GRID2: variants seen among roughly 807,000 people sequenced by gnomAD.
GRID2 encodes glutamate ionotropic receptor delta type subunit 2, also known as glutamate receptor ionotropic, delta-2.
Under a neutral mutation model 114.8 loss-of-function variants are expected in GRID2, and 33 were observed. The observed-to-expected ratio is 0.29, with a 90% CI of 0.22 to 0.38. The LOEUF (loss-of-function observed/expected upper bound fraction) is 0.38. Ranked by LOEUF, GRID2 falls within the 10% of genes least tolerant of loss-of-function variation. GRID2 has a pLI of 1.00. For synonymous variants in GRID2, 505 were observed against 449.9 expected, an observed-to-expected ratio of 1.12 and a Z score of -1.55; for missense variants, 1,184 against 1,257.7, an observed-to-expected ratio of 0.94 and a Z score of 0.89.
intron 14 of GRID2, among the ~76,000 whole-genome samples, chr4:93,647,231 A>G (rs1301825540): frequency 2.0e-5 from 3 of 152,190 alleles, no homozygotes; most frequent in Non-Finnish European, 4.4e-5. Flanking sequence ...TAAAGTTCCT[A>G]AATTCTAGGA....
chr4:93,741,174 CATATAT>C (rs376106965), intron 14 of GRID2, among the ~76,000 whole-genome samples: 1 of 41,226 alleles, frequency 2.4e-5, no homozygotes. Context: ...TATATATATA[CATATAT>C]ATATATATAT....
chr4:93,368,076 C>T (rs1424904952), intron 8 of GRID2, among the ~76,000 whole-genome samples: 3 of 152,028 alleles, frequency 2.0e-5, no homozygotes, highest in Non-Finnish European at 4.4e-5. Flanking sequence ...GCTTAAAGAC[C>T]TTCAAACTAC....
intron 13 of GRID2, among the ~76,000 whole-genome samples, chr4:93,603,144 A>G (rs1052275726): frequency 2.6e-5 from 4 of 152,176 alleles, no homozygotes; most frequent in Non-Finnish European, 5.9e-5. Flanking sequence ...CAGGAGGCAG[A>G]GGTTGCAGTT....
intron 1 of GRID2, among the ~76,000 whole-genome samples, chr4:92,441,860 A>G (rs951047054): frequency 1.7e-3 from 244 of 146,550 alleles, no homozygotes; most frequent in South Asian, 1.9e-3. Context: ...TTGGATTGGG[A>G]AGAAGGGAGG....
intron 13 of GRID2, among the ~76,000 whole-genome samples, chr4:93,593,960 AT>A (rs897724099): frequency 3.3e-5 from 5 of 151,052 alleles, no homozygotes; most frequent in African/African-American, 7.3e-5. Context: ...ATTCTTCTAA[AT>A]TTTTTTCAAA....
At chr4:93,566,628 G>A (rs1042712750) in intron 13 of GRID2, among the ~76,000 whole-genome samples, 2 of 151,922 alleles carry the variant, frequency 1.3e-5, no homozygotes, top group Non-Finnish European at 2.9e-5. Flanking sequence ...AAATTAGCCG[G>A]GCATAGTGGT....
At chr4:93,162,971 C>T (rs909872576) in intron 4 of GRID2, among the ~76,000 whole-genome samples, 3 of 151,934 alleles carry the variant, frequency 2.0e-5, no homozygotes, top group East Asian at 1.9e-4. Context: ...TTTTCTAGAG[C>T]ATAATAGTTT....
chr4:93,016,932 A>C (rs1056396868), intron 2 of GRID2, among the ~76,000 whole-genome samples: 11 of 152,310 alleles, frequency 7.2e-5, no homozygotes, highest in Admixed American at 1.3e-4. Flanking sequence ...TGCTTAAAAA[A>C]ATTCTCTTCT....
intron 2 of GRID2, among the ~76,000 whole-genome samples, chr4:92,959,507 A>G (rs1752648343): frequency 1.3e-5 from 2 of 152,048 alleles, no homozygotes; most frequent in Admixed American, 6.6e-5. Context: ...ACTGTTGGGT[A>G]TAAACCCAAA....
chr4:92,943,759 T>C (rs1751371436), intron 2 of GRID2, among the ~76,000 whole-genome samples: 1 of 152,114 alleles, frequency 6.6e-6, no homozygotes, highest in Non-Finnish European at 1.5e-5. Context: ...GGGGTTTTGG[T>C]GTGGATGTCA....
chr4:92,542,763 C>T (rs376675686), intron 1 of GRID2, among the ~76,000 whole-genome samples: 15 of 150,972 alleles, frequency 9.9e-5, no homozygotes, highest in African/African-American at 3.4e-4. Context: ...AACCTATTCC[C>T]CAAAAACTAT....
chr4:92,423,239 T>C (rs1211027581), intron 1 of GRID2, among the ~76,000 whole-genome samples: 1 of 152,150 alleles, frequency 6.6e-6, no homozygotes. Flanking sequence ...TAATAGACCA[T>C]TGTTAAAAAA....
intron 8 of GRID2, among the ~76,000 whole-genome samples, chr4:93,287,374 A>G (rs1251043451): frequency 6.6e-6 from 1 of 152,190 alleles, no homozygotes; most frequent in East Asian, 1.9e-4. Context: ...TGGGAGCCTC[A>G]CTTTAGGCAG....
intron 1 of GRID2, among the ~76,000 whole-genome samples, chr4:92,454,064 A>G (rs138535918): frequency 0.013 from 2,011 of 152,334 alleles, 17 homozygotes; most frequent in Non-Finnish European, 0.021. Flanking sequence ...GTACTATGTC[A>G]TAATAGTACA....
intron 3 of GRID2, among the ~76,000 whole-genome samples, chr4:93,095,315 C>G (rs560832106): frequency 1.3e-5 from 2 of 151,782 alleles, no homozygotes; most frequent in Admixed American, 6.6e-5. Context: ...ATGATGTTCC[C>G]CTCCTTGTGT....
intron 13 of GRID2, among the ~76,000 whole-genome samples, chr4:93,516,033 G>A (rs571139514): frequency 6.6e-6 from 1 of 152,112 alleles, no homozygotes; most frequent in South Asian, 2.1e-4. Flanking sequence ...ACATATATAC[G>A]GAAGCAATTC....
intron 1 of GRID2, among the ~76,000 whole-genome samples, chr4:92,454,036 T>C (rs1721081967): frequency 6.6e-6 from 1 of 152,190 alleles, no homozygotes. Flanking sequence ...AAAATGCCTC[T>C]TAGTGTTTAA....
chr4:93,291,767 G>GTTTTCTT (rs199775270), intron 8 of GRID2, among the ~76,000 whole-genome samples: 1 of 151,778 alleles, frequency 6.6e-6, no homozygotes, highest in Non-Finnish European at 1.5e-5. Context: ...GTGTGCACGT[G>GTTTTCTT]TTTTCTTTTT....
At chr4:93,356,196 T>C (rs1192028069) in intron 8 of GRID2, among the ~76,000 whole-genome samples, 1 of 152,126 alleles carries the variant, frequency 6.6e-6, no homozygotes, top group Non-Finnish European at 1.5e-5. Context: ...TAAGACACTG[T>C]GCTACTTCTT....
Sources: gnomAD v4.1 joint callset for allele counts (sites outside exome capture counted in the v4.1 genomes callset) on GRCh38, gnomAD v4.1.1 for gene constraint, MANE v1.5 for transcripts, NCBI Gene and HGNC (gene_info 2026-07-23, HGNC 2026-07-21) for gene names.